RNF170: variants seen among roughly 807,000 people sequenced by gnomAD.
RNF170 encodes the protein E3 ubiquitin-protein ligase RNF170.
RNF170 carries 12 observed loss-of-function variants against 32.7 expected under a neutral mutation model. The ratio of observed to expected loss-of-function variants is 0.37; its 90% CI spans 0.24 to 0.60. The LOEUF (loss-of-function observed/expected upper bound fraction) is 0.60, where lower values mean the gene tolerates loss of function less well. RNF170 is among the 20% of genes least tolerant of loss of function. The pLI is 0.72. For missense variants in RNF170, 212 were observed against 311.2 expected, an observed-to-expected ratio of 0.68 and a Z score of 2.40; for synonymous variants, 91 against 103.6, an observed-to-expected ratio of 0.88 and a Z score of 0.74.
chr8:42,882,378 T>C lies in RNF170; in HGVS notation c.137+5350A>G, dbSNP rs974217577. ...AACTAAATATGGTATGTACATACAA[T>C]GAGAAATTTTAAATTTTAATATTTC... On this transcript the variant is annotated intron_variant, in intron 2 of 6. Coordinates refer to ENST00000527424, the MANE Select transcript of RNF170 (RefSeq NM_030954.4). Among the ~76,000 whole-genome samples the C allele has an allele frequency of 3.9e-5, 6 of 152,232 alleles. No individual in the cohort carries two copies. In the East Asian group the frequency reaches 1.2e-3, roughly 29 times the overall value.
chr8:42,861,276 G>A (rs565723661), intron 6 of RNF170: 2 of 153,116 alleles, frequency 1.3e-5, no homozygotes, highest in South Asian at 2.1e-4. Flanking sequence ...AAGGTGTAAT[G>A]TAGTGATTGG....
At chr8:42,851,464 C>T (rs1183461916), downstream of RNF170, among the ~76,000 whole-genome samples, 1 of 151,190 alleles carries the variant, frequency 6.6e-6, no homozygotes, top group East Asian at 1.9e-4. Flanking sequence ...ACTCGGGAGA[C>T]TGAGGCAGGA....
intron 6 of RNF170, among the ~76,000 whole-genome samples, chr8:42,860,867 G>GC (rs1279587095): frequency 6.6e-6 from 1 of 151,864 alleles, no homozygotes; most frequent in African/African-American, 2.4e-5. Flanking sequence ...ACAGGTGCCT[G>GC]CCACCACACT....
chr8:42,896,384 A>G (rs1271111598), intron 1 of RNF170, 100 bp downstream of exon 1: 1 of 438,816 alleles, frequency 2.3e-6, no homozygotes, highest in South Asian at 1.6e-5. Flanking sequence ...CGCCCCGCAG[A>G]GCCTCGGCGG....
At chr8:42,871,289 C>T (rs1804507825) in intron 3 of RNF170, among the ~76,000 whole-genome samples, 1 of 152,030 alleles carries the variant, frequency 6.6e-6, no homozygotes, top group Admixed American at 6.6e-5. Flanking sequence ...TAATGGAACC[C>T]AGCACAGATA....
At chr8:42,895,890 C>T (rs546690911) in intron 1 of RNF170, among the ~76,000 whole-genome samples, 5 of 152,212 alleles carry the variant, frequency 3.3e-5, no homozygotes, top group Admixed American at 6.5e-5. Context: ...GAGCACAGGG[C>T]ATGGGTGAGA....
chr8:42,891,136 T>C (rs891951526), intron 1 of RNF170, among the ~76,000 whole-genome samples: 6 of 152,206 alleles, frequency 3.9e-5, no homozygotes, highest in African/African-American at 1.4e-4. Flanking sequence ...GCCCAAGCAG[T>C]TGTTGCTTGG....
At chr8:42,875,344 G>A (rs971401661) in intron 2 of RNF170, among the ~76,000 whole-genome samples, 1 of 152,120 alleles carries the variant, frequency 6.6e-6, no homozygotes, top group African/African-American at 2.4e-5. Context: ...TCTACAGAGA[G>A]CCTTTACTCT....
chr8:42,897,210 G>A (rs1392236323), upstream of RNF170: 1 of 1,237,382 alleles, frequency 8.1e-7, no homozygotes, highest in Non-Finnish European at 1.0e-6. Flanking sequence ...CCGCGGGCCG[G>A]CGGGAAGACC....
intron 1 of RNF170, among the ~76,000 whole-genome samples, chr8:42,896,043 G>A (rs868052737): frequency 1.3e-5 from 2 of 152,184 alleles, no homozygotes; most frequent in South Asian, 4.2e-4. Flanking sequence ...ACAGATTCGT[G>A]CCTCTAAAGA....
chr8:42,868,461 T>C (rs770036946), intron 4 of RNF170, among the ~76,000 whole-genome samples: 4 of 152,224 alleles, frequency 2.6e-5, no homozygotes, highest in Non-Finnish European at 4.4e-5. Context: ...GGTCTAGTGA[T>C]TGGACAAATC....
Position 42,853,501 on chromosome 8 carries a change from G to A in RNF170, c.*2658C>T, listed in dbSNP as rs1000740365. On this transcript the variant is annotated 3_prime_UTR_variant, in exon 7 of 7. Transcript: ENST00000527424. ...TGTAGTAGTTGAAACCACTGTTCTA[G>A]TGGGCAGTTAGAACAGTTGTTTTCC... 6.2e-6 allele frequency: 8 copies of A among 1,286,610 alleles called. No homozygotes were observed. The African/African-American group carries it at 9.1e-5, about 15-fold the overall frequency. The allele number at this position is 1,286,610 out of a possible 1,614,324, so 79.7% of individuals were successfully genotyped here.
chr8:42,884,698 G>A (rs188587610), intron 2 of RNF170, among the ~76,000 whole-genome samples: 1 of 150,660 alleles, frequency 6.6e-6, no homozygotes, highest in Non-Finnish European at 1.5e-5. Context: ...CTTATTAAAT[G>A]AATTCTTTTT....
chr8:42,890,848 A>T (rs1018316240), intron 1 of RNF170, among the ~76,000 whole-genome samples: 2 of 152,098 alleles, frequency 1.3e-5, no homozygotes, highest in African/African-American at 4.8e-5. Flanking sequence ...GTTTCTCATA[A>T]AATTGGAGTA....
chr8:42,863,771 G>A (rs376320866), intron 5 of RNF170, among the ~76,000 whole-genome samples: 8 of 152,132 alleles, frequency 5.3e-5, no homozygotes, highest in South Asian at 2.1e-4. Flanking sequence ...CTTGTGTCAC[G>A]CATCAAATCA....
At chr8:42,888,980 C>T (rs1806072970) in intron 1 of RNF170, among the ~76,000 whole-genome samples, 1 of 152,144 alleles carries the variant, frequency 6.6e-6, no homozygotes, top group African/African-American at 2.4e-5. Context: ...TATTCTCTAG[C>T]ATATGCCTTG....
intron 2 of RNF170, among the ~76,000 whole-genome samples, chr8:42,882,212 A>C (rs1805469734): frequency 6.6e-6 from 1 of 152,224 alleles, no homozygotes; most frequent in East Asian, 1.9e-4. Flanking sequence ...TGTTAAACAT[A>C]GAAATTACTT....
rs763773841 is a variant in RNF170, at chr8:42,853,693, CTGAT to C, written c.*2462_*2465del. ...AAGTATTACTATGATGTTCAAAACT[CTGAT>C]TGACTCTACTTGCTTTAAAAACTCT... On this transcript the variant is annotated 3_prime_UTR_variant, in exon 7 of 7. Coordinates refer to ENST00000527424, the MANE Select transcript of RNF170 (RefSeq NM_030954.4). 7.2e-5 allele frequency: 93 copies of C among 1,287,140 alleles called. 3 individuals carry two copies. In the South Asian group the frequency reaches 8.3e-4, roughly 11 times the overall value. The allele number at this position is 1,287,140 out of a possible 1,614,324, so 79.7% of individuals were successfully genotyped here.
chr8:42,894,298 G>C lies in RNF170; in HGVS notation c.-8+2186C>G, dbSNP rs150413014. ...AGCCTTGAAAACCGGGGCCACTGGA[G>C]GAAGGGTGCTCAGGACGGCACAACC... On this transcript the variant is annotated intron_variant, in intron 1 of 6. Transcript: ENST00000527424. Among the ~76,000 whole-genome samples the C allele has an allele frequency of 8.4e-4, 128 of 152,332 alleles. 1 individual carries two copies. The South Asian group carries it at 0.011, about 13-fold the overall frequency.
Sources: gnomAD v4.1 joint callset for allele counts (sites outside exome capture counted in the v4.1 genomes callset) on GRCh38, gnomAD v4.1.1 for gene constraint, MANE v1.5 for transcripts, NCBI Gene and HGNC (gene_info 2026-07-23, HGNC 2026-07-21) for gene names.